The following GTF3C3 variants were observed in gnomAD, a reference collection of about 807,000 sequenced individuals.
GTF3C3 encodes general transcription factor 3C polypeptide 3.
A neutral mutation model predicts 105.2 loss-of-function variants in GTF3C3; 75 were observed. The ratio of observed to expected loss-of-function variants is 0.71; its 90% CI spans 0.59 to 0.86. GTF3C3 has a LOEUF of 0.86. Ranked by LOEUF, GTF3C3 falls within the 40% of genes least tolerant of loss-of-function variation. GTF3C3 has a pLI of 0.00. For synonymous variants in GTF3C3, 335 were observed against 370.4 expected, an observed-to-expected ratio of 0.90 and a Z score of 1.10; for missense variants, 856 against 1,076.5, an observed-to-expected ratio of 0.80 and a Z score of 2.87.
At chr2:196,798,686 A>AC (rs1235599936) in intron 1 of GTF3C3, among the ~76,000 whole-genome samples, 1 of 151,792 alleles carries the variant, frequency 6.6e-6, no homozygotes. Context: ...ACATGGTGAA[A>AC]CCCCGTCTCT....
rs1699548349 is a variant in GTF3C3, at chr2:196,791,466, T to C, written c.412-6A>G. On this transcript the variant is annotated splice_region_variant and splice_polypyrimidine_tract_variant and intron_variant, in intron 3 of 17. Coordinates refer to ENST00000263956, the MANE Select transcript of GTF3C3 (RefSeq NM_012086.5). ...TTACTCCGAGGCCTTTTCTCCTGTA[T>C]GGAAGAAAAATGACATTTAGATTAA... 2 of 1,607,096 alleles carry C rather than the reference T, an allele frequency of 1.2e-6. No homozygotes were observed. Among genetic ancestry groups the C allele is most frequent in the South Asian group, 1.1e-5 (1 of 90,368 alleles).
rs547254292 is a variant in GTF3C3, at chr2:196,765,966, T to C, written c.2538+599A>G. ...CGGAGCTTGCAGTGAGCCAAGATCGTGCCACTGCACTCCAGCCTGGGCCAC... is the reference window on the plus strand; with the variant it reads ...CGGAGCTTGCAGTGAGCCAAGATCGCGCCACTGCACTCCAGCCTGGGCCAC... On this transcript the variant is annotated intron_variant, in intron 17 of 17. Transcript: ENST00000263956. Among the ~76,000 whole-genome samples the C allele has an allele frequency of 2.7e-3, 362 of 131,778 alleles. 2 individuals carry two copies. Among genetic ancestry groups the C allele is most frequent in the African/African-American group, 9.8e-3 (343 of 35,170 alleles). 86.5% of individuals were successfully genotyped at this position (131,778 alleles called of 152,430 possible). A position where few individuals can be genotyped will look rare whatever the true frequency, so the allele number is the denominator to read the frequency against.
rs780591238 is a variant in GTF3C3, at chr2:196,778,971, A to G, written c.1315T>C (p.Ser439Pro). The change falls in exon 10 of 18, where the codon TCT (serine) becomes CCT (proline). Residue 439 changes from serine (S) to proline (P), a missense_variant. Physicochemically the swap from Ser to Pro is moderately conservative, Grantham distance 74 (BLOSUM62 -1). Coordinates refer to ENST00000263956, the MANE Select transcript of GTF3C3 (RefSeq NM_012086.5). The part of the protein sequence containing the change: ...EAFLDVGEYN[S>P]ALPLLSALVC... ...AGAGCACTGAGGAGGGGAAGTGCAGAATTATATTCACCAACATCCAGAAAA... is the reference window on the plus strand; with the variant it reads ...AGAGCACTGAGGAGGGGAAGTGCAGGATTATATTCACCAACATCCAGAAAA... The G allele has an allele frequency of 6.2e-7, 1 of 1,613,896 alleles. No homozygotes were observed. Among genetic ancestry groups the G allele is most frequent in the Admixed American group, 1.7e-5 (1 of 60,002 alleles).
rs1699519283 is a variant in GTF3C3 at position 196,790,012 on chromosome 2, G to T, written c.594C>A (p.Asp198Glu). 6.2e-7 allele frequency: 1 copy of T among 1,613,306 alleles called. No individual in the cohort carries two copies. The highest frequency in any genetic ancestry group is 1.3e-5 in the African/African-American group (1 of 74,876). ...ACTCAAACTGCAATGATTTTTCCATGTCACCTTGGTCCTCATATATCATGG... is the reference window on the plus strand; with the variant it reads ...ACTCAAACTGCAATGATTTTTCCATTTCACCTTGGTCCTCATATATCATGG... The part of the protein sequence containing the change: ...TLAMIYEDQG[D>E]MEKSLQFELI... Residue 198 changes from aspartate (D) to glutamate (E), a missense_variant, in exon 5 of 18, where the codon GAC (aspartate) becomes GAA (glutamate). By Grantham distance (45) the Asp-to-Glu change is conservative. Coordinates refer to ENST00000263956, the MANE Select transcript of GTF3C3 (RefSeq NM_012086.5).
intron 8 of GTF3C3, among the ~76,000 whole-genome samples, chr2:196,783,087 T>G (rs1412661803): frequency 6.6e-6 from 1 of 152,186 alleles, no homozygotes; most frequent in Non-Finnish European, 1.5e-5. Context: ...TTGCTCACTT[T>G]GTATCTGTTT....
Position 196,779,062 on chromosome 2 carries a change from G to C in GTF3C3, c.1224C>G (p.Leu408=). The change falls in exon 10 of 18, where the codon CTC becomes CTG. Residue 408 remains leucine, a synonymous_variant. Transcript: ENST00000263956. ...HLNILEPLNP[L]LTTLVEQNPE... ...GATTCTGTTCTACTAGTGTTGTCAA[G>C]AGAGGCTAGACCACAAATAAAAGCC... is the stretch of plus-strand genomic sequence containing the variant. 1 of 1,612,632 alleles carries C rather than the reference G, an allele frequency of 6.2e-7. No individual in the cohort carries two copies. Among genetic ancestry groups the C allele is most frequent in the Non-Finnish European group, 8.5e-7 (1 of 1,179,008 alleles).
At chr2:196,775,869 TTTTTTG>T (rs776174907) in intron 12 of GTF3C3, 135 bp downstream of exon 12, 2 of 494,228 alleles carry the variant, frequency 4.0e-6, no homozygotes, top group Non-Finnish European at 3.6e-6. Context: ...AACCTCTAGC[TTTTTTG>T]TTTTTATCTT....
rs146257196 is a variant in GTF3C3, at chr2:196,791,078, T to C, written c.535+259A>G. Among the ~76,000 whole-genome samples the C allele has an allele frequency of 4.7e-3, 722 of 152,230 alleles. 1 individual carries two copies. The highest frequency in any genetic ancestry group is 7.6e-3 in the Non-Finnish European group (516 of 68,020). On this transcript the variant is annotated intron_variant, in intron 4 of 17. Coordinates refer to ENST00000263956, the MANE Select transcript of GTF3C3 (RefSeq NM_012086.5). Reference sequence around the variant, plus strand: ...CTTTAACATAATATATTTGCCATACTGACAATTCAAAAGTCTAAATCTCTC... The same window carrying C: ...CTTTAACATAATATATTTGCCATACCGACAATTCAAAAGTCTAAATCTCTC...
In GTF3C3 at chr2:196,797,836, T is replaced by C; in HGVS notation, c.175A>G (p.Ile59Val). The C allele has an allele frequency of 6.2e-7, 1 of 1,611,460 alleles. No homozygotes were observed. The highest frequency in any genetic ancestry group is 8.5e-7 in the Non-Finnish European group (1 of 1,177,524). ...TTGTCTTGGGATTTGGTAGAGTTAA[T>C]TCCTGATGATGATGGAACTTCAGAG... Reference protein sequence around the residue: ...DDSEVPSSSGINSTKSQDKDV... With the variant: ...DDSEVPSSSGVNSTKSQDKDV... Residue 59 changes from isoleucine to valine, a missense_variant, in exon 2 of 18, where the codon ATT becomes GTT. Transcript: ENST00000263956.
chr2:196,793,082 A>C lies in GTF3C3; in HGVS notation c.285T>G (p.Asp95Glu). ...VFASMLGENE[D>E]DEEEEEEEEE... ...CCTCTTCTTCCTCTTCCTCCTCATC[A>C]TCTTCATTCTCTCCAAGCATGGAAG... Residue 95 changes from aspartate to glutamate, a missense_variant, in exon 3 of 18, where the codon GAT (aspartate) becomes GAG (glutamate). By Grantham distance (45) the Asp-to-Glu change is conservative. Coordinates refer to ENST00000263956, the MANE Select transcript of GTF3C3 (RefSeq NM_012086.5). The C allele has an allele frequency of 6.2e-7, 1 of 1,613,150 alleles. No individual in the cohort carries two copies. Among genetic ancestry groups the C allele is most frequent in the Non-Finnish European group, 8.5e-7 (1 of 1,179,614 alleles).
chr2:196,774,909 CTTTTAA>C (rs1699236704), intron 13 of GTF3C3: 1 of 375,718 alleles, frequency 2.7e-6, no homozygotes, highest in Non-Finnish European at 4.7e-6. Context: ...AGATGCTTTC[CTTTTAA>C]TTTTTTTTAA....
rs1271806312 is a variant in GTF3C3, at chr2:196,781,352, AAAAAAAT to A, written c.1115-697_1115-691del. On this transcript the variant is annotated intron_variant, in intron 8 of 17. Transcript: ENST00000263956. ...CAAAAATGTTAAGGGGAAAAAAAAA[AAAAAAAT>A]ATATATATATATATATATATATATA... Among the ~76,000 whole-genome samples the A allele has an allele frequency of 6.7e-5, 6 of 89,116 alleles. No homozygotes were observed. The South Asian group carries it at 1.5e-3, about 22-fold the overall frequency. The allele number at this position is 89,116 out of a possible 152,430, so 58.5% of individuals were successfully genotyped here. A position where few individuals can be genotyped will look rare whatever the true frequency, so the allele number is the denominator to read the frequency against.
chr2:196,781,353 AAAAAATATAT>A (rs1464244449), intron 8 of GTF3C3, among the ~76,000 whole-genome samples: 1 of 23,130 alleles, frequency 4.3e-5, no homozygotes, highest in Non-Finnish European at 1.3e-4. Context: ...AAAAAAAAAA[AAAAAATATAT>A]ATATATATAT....
At chr2:196,788,769 A>C (rs777634765) in intron 6 of GTF3C3, among the ~76,000 whole-genome samples, 2 of 152,174 alleles carry the variant, frequency 1.3e-5, no homozygotes, top group African/African-American at 2.4e-5. Flanking sequence ...AATTCGGTAC[A>C]ATCTAAAATA....
intron 1 of GTF3C3, among the ~76,000 whole-genome samples, chr2:196,798,603 A>G (rs964963091): frequency 1.3e-5 from 2 of 151,522 alleles, no homozygotes; most frequent in Admixed American, 6.6e-5. Flanking sequence ...CCGGCCGGGC[A>G]AAGTAATCCC....
chr2:196,781,945 T>C (rs1699373915), intron 8 of GTF3C3, among the ~76,000 whole-genome samples: 1 of 152,236 alleles, frequency 6.6e-6, no homozygotes, highest in South Asian at 2.1e-4. Flanking sequence ...AATGCAGTCA[T>C]TTTAATGAGC....
chr2:196,767,685 G>A (rs1219105310), intron 16 of GTF3C3, among the ~76,000 whole-genome samples: 1 of 152,076 alleles, frequency 6.6e-6, no homozygotes, highest in Non-Finnish European at 1.5e-5. Flanking sequence ...CTATTCCACT[G>A]AAAGACACAG....
rs370674397 is a variant in GTF3C3 at position 196,780,634 on chromosome 2, A to G, written c.1143T>C (p.Pro381=). 4 of 1,612,988 alleles carry G rather than the reference A, an allele frequency of 2.5e-6. No homozygotes were observed. In the African/African-American group the frequency reaches 5.3e-5, roughly 22 times the overall value. ...KAPENVTCTI[P]DGVPIDITVK... ...CTGTGATATCTATTGGCACGCCATC[A>G]GGTATAGTGCAGGTAACATTCTCAG... Residue 381 remains proline (P), a synonymous_variant, in exon 9 of 18, where the codon CCT becomes CCC. Transcript: ENST00000263956.
intron 2 of GTF3C3, among the ~76,000 whole-genome samples, chr2:196,796,412 A>T (rs1317546823): frequency 4.6e-5 from 7 of 152,218 alleles, no homozygotes; most frequent in African/African-American, 1.7e-4. Context: ...CTATAGTAGC[A>T]ACTTAAACAC....
Sources: gnomAD v4.1 joint callset for allele counts (sites outside exome capture counted in the v4.1 genomes callset) on GRCh38, gnomAD v4.1.1 for gene constraint, MANE v1.5 for transcripts, NCBI Gene and HGNC (gene_info 2026-07-23, HGNC 2026-07-21) for gene names.